The following PHOSPHO1 variants were observed in gnomAD, a reference collection of about 807,000 sequenced individuals.
PHOSPHO1 encodes phosphoethanolamine/phosphocholine phosphatase.
PHOSPHO1 carries 6 observed loss-of-function variants against 17.7 expected under a neutral mutation model. That is an observed-to-expected ratio of 0.34 (90% CI 0.19 to 0.67). The LOEUF (loss-of-function observed/expected upper bound fraction) is 0.67, where lower values mean the gene tolerates loss of function less well. Ranked by LOEUF, PHOSPHO1 falls within the 30% of genes least tolerant of loss-of-function variation. The probability of loss-of-function intolerance (pLI) is 0.69; values close to 1 mark genes in which losing one functional copy is unlikely to be tolerated. For missense variants in PHOSPHO1, 330 were observed against 392.1 expected (o/e 0.84, Z 1.34); for synonymous variants, 159 against 174.6 (o/e 0.91, Z 0.71).
chr17:49,224,500 A>G lies in PHOSPHO1; in HGVS notation c.550T>C (p.Tyr184His). ...CCGTCGTGGGCCCGCTCGCGCAGGT[A>G]GTCGCTGAGCACCTTGTGCTTGCAC... ...NMCKHKVLSD[Y>H]LRERAHDGVH... Residue 184 changes from tyrosine (Y) to histidine (H), a missense_variant, in exon 3 of 3, where the codon TAC (tyrosine) becomes CAC (histidine). By Grantham distance (83) the Tyr-to-His change is moderately conservative. Transcript: ENST00000310544. 1.3e-6 allele frequency: 2 copies of G among 1,574,748 alleles called. No individual in the cohort carries two copies. Among genetic ancestry groups the G allele is most frequent in the Non-Finnish European group, 1.7e-6 (2 of 1,163,014 alleles).
In PHOSPHO1 at chr17:49,224,495, C is replaced by T. The variant is rs770938074; in HGVS notation, c.555G>A (p.Leu185=). 168 of 1,572,772 alleles carry T rather than the reference C, an allele frequency of 1.1e-4. No individual in the cohort carries two copies. The Middle Eastern group carries it at 4.5e-3, about 42-fold the overall frequency. Residue 185 remains leucine (L), a synonymous_variant, in exon 3 of 3, where the codon CTG becomes CTA. Coordinates refer to ENST00000310544, the MANE Select transcript of PHOSPHO1 (RefSeq NM_178500.4). ...GCACGCCGTCGTGGGCCCGCTCGCGCAGGTAGTCGCTGAGCACCTTGTGCT... is the reference window on the plus strand; with the variant it reads ...GCACGCCGTCGTGGGCCCGCTCGCGTAGGTAGTCGCTGAGCACCTTGTGCT... ...MCKHKVLSDY[L]RERAHDGVHF...
rs2043322512 is a variant in PHOSPHO1 at position 49,224,123 on chromosome 17, GA to G, written c.*122del. On this transcript the variant is annotated 3_prime_UTR_variant, in exon 3 of 3. Transcript: ENST00000310544. ...CCAAGCCCCCAAATACGAGATTCCA[GA>G]AATTCCCAGAGGGACATAACAAAGC... The G allele has an allele frequency of 7.4e-7, 1 of 1,358,342 alleles. No individual in the cohort carries two copies. Among genetic ancestry groups the G allele is most frequent in the African/African-American group, 1.5e-5 (1 of 67,854 alleles). The allele number at this position is 1,358,342 out of a possible 1,614,324, so 84.1% of individuals were successfully genotyped here.
At position 49,224,908 on chromosome 17, in the gene PHOSPHO1, G is replaced by T. The variant is rs564808415; in HGVS notation, c.142C>A (p.Arg48Ser). The change falls in exon 3 of 3, where the codon CGC (arginine) becomes AGC (serine). Residue 48 changes from arginine (R) to serine (S), a missense_variant. By Grantham distance (110) the Arg-to-Ser change is moderately radical (BLOSUM62 -1). Transcript: ENST00000310544. ...VDENSDDSIVRAAPGQRLPES... is the reference protein window; with the variant it reads ...VDENSDDSIVSAAPGQRLPES... ...GGGAGCCGCTGGCCCGGCGCGGCGC[G>T]CACGATCGAATCGTCGCTGTTTTCG... 1.2e-5 allele frequency: 19 copies of T among 1,599,446 alleles called. No homozygotes were observed. The highest frequency in any genetic ancestry group is 1.5e-5 in the Non-Finnish European group (18 of 1,174,208).
chr17:49,225,636 G>A lies in PHOSPHO1; in HGVS notation c.46-632C>T. The A allele has an allele frequency of 2.3e-6, 3 of 1,291,950 alleles. No homozygotes were observed. The South Asian group carries it at 3.7e-5, about 16-fold the overall frequency. The allele number at this position is 1,291,950 out of a possible 1,614,324, so 80.0% of individuals were successfully genotyped here. ...GGAGTTTTAGGGCCCTGTGCTGACA[G>A]CTCATCACTAATCACTTGCCAATTC... is the stretch of plus-strand genomic sequence containing the variant. On this transcript the variant is annotated intron_variant, in intron 2 of 2. Transcript: ENST00000310544.
chr17:49,225,567 A>ACAGGGGTCTTC (rs1567889147), intron 2 of PHOSPHO1: 1 of 1,250,912 alleles, frequency 8.0e-7, no homozygotes, highest in African/African-American at 1.6e-5. Context: ...TTCTAGCCCA[A>ACAGGGGTCTTC]TGGCACTGAA....
intron 2 of PHOSPHO1, chr17:49,225,779 T>G: frequency 8.0e-7 from 1 of 1,257,298 alleles, no homozygotes; most frequent in Non-Finnish European, 1.0e-6. Context: ...ATGACACACC[T>G]GGGAGACAGG....
intron 1 of PHOSPHO1, among the ~76,000 whole-genome samples, chr17:49,230,168 C>T (rs1246479724): frequency 1.3e-5 from 2 of 152,140 alleles, no homozygotes; most frequent in African/African-American, 4.8e-5. Context: ...GAAGCCAGCA[C>T]TCTGGCGCAC....
Position 49,223,858 on chromosome 17 carries a change from G to C in PHOSPHO1, c.*388C>G, listed in dbSNP as rs1365269606. 5.3e-6 allele frequency: 1 copy of C among 190,194 alleles called. No homozygotes were observed. The allele number at this position is 190,194 out of a possible 1,614,324, so 11.8% of individuals were successfully genotyped here. A position where few individuals can be genotyped will look rare whatever the true frequency, so the allele number is the denominator to read the frequency against. On this transcript the variant is annotated 3_prime_UTR_variant, in exon 3 of 3. Coordinates refer to ENST00000310544, the MANE Select transcript of PHOSPHO1 (RefSeq NM_178500.4). ...TGGGTTCCCTCCACAGTAGACTGGA[G>C]GAGGGGCGGTCACGCAGCCCGAGGC... is the stretch of plus-strand genomic sequence containing the variant.
chr17:49,228,286 TTC>T (rs2043378275), intron 1 of PHOSPHO1, among the ~76,000 whole-genome samples: 1 of 61,906 alleles, frequency 1.6e-5, no homozygotes. Flanking sequence ...CCTTCCTTCC[TTC>T]CTTCCTTCCT....
Position 49,224,050 on chromosome 17 carries a change from C to T in PHOSPHO1, c.*196G>A. On this transcript the variant is annotated 3_prime_UTR_variant, in exon 3 of 3. Coordinates refer to ENST00000310544, the MANE Select transcript of PHOSPHO1 (RefSeq NM_178500.4). ...GTGCACAGTGGAGTGGGGGAGGCAG[C>T]CGAGGTGGGTTAACTGAATAGATAG... 1.2e-6 allele frequency: 1 copy of T among 802,264 alleles called. No individual in the cohort carries two copies. Among genetic ancestry groups the T allele is most frequent in the African/African-American group, 1.7e-5 (1 of 57,206 alleles). The allele number at this position is 802,264 out of a possible 1,614,324, so 49.7% of individuals were successfully genotyped here.
intron 2 of PHOSPHO1, 30 bp downstream of exon 2, chr17:49,226,617 C>T (rs1169361816): frequency 3.7e-6 from 6 of 1,612,726 alleles, no homozygotes; most frequent in Non-Finnish European, 5.1e-6. Context: ...GAGGCCTCAT[C>T]CTAGGAGACC....
Position 49,224,699 on chromosome 17 carries a change from C to A in PHOSPHO1, c.351G>T (p.Glu117Asp). The change falls in exon 3 of 3, where the codon GAG becomes GAT. Residue 117 changes from glutamate (E) to aspartate (D), a missense_variant. Physicochemically the swap from Glu to Asp is conservative, Grantham distance 45. Transcript: ENST00000310544. ...QFVAKQGACF[E>D]VILISDANTF... ...TGTTGGCATCGGAGATGAGAATCACCTCGAAGCAGGCGCCCTGTTTTGCCA... is the reference window on the plus strand; with the variant it reads ...TGTTGGCATCGGAGATGAGAATCACATCGAAGCAGGCGCCCTGTTTTGCCA... 6.3e-7 allele frequency: 1 copy of A among 1,593,532 alleles called. No individual in the cohort carries two copies. The highest frequency in any genetic ancestry group is 8.5e-7 in the Non-Finnish European group (1 of 1,171,984).
rs1450050729 is a variant in PHOSPHO1 at position 49,223,445 on chromosome 17, T to C, written c.*801A>G. On this transcript the variant is annotated 3_prime_UTR_variant, in exon 3 of 3. Transcript: ENST00000310544. ...GTTTCGCTGGTTCTGCTTAAAAACA[T>C]GGCTTTCTGTTCCATGGGGGGTGGG... The C allele has an allele frequency of 7.1e-6, 1 of 141,100 alleles. No individual in the cohort carries two copies. Among genetic ancestry groups the C allele is most frequent in the Non-Finnish European group, 1.5e-5 (1 of 65,360 alleles). The allele number at this position is 141,100 out of a possible 1,614,324, so 8.7% of individuals were successfully genotyped here.
chr17:49,225,589 G>C (rs746691743), intron 2 of PHOSPHO1: 3 of 1,289,894 alleles, frequency 2.3e-6, no homozygotes, highest in Non-Finnish European at 3.0e-6. Flanking sequence ...AGGGGTCTAG[G>C]GATGGGGCAC....
chr17:49,224,175 T>TG lies in PHOSPHO1; in HGVS notation c.*70dup, dbSNP rs2043323147. On this transcript the variant is annotated 3_prime_UTR_variant, in exon 3 of 3. Transcript: ENST00000310544. ...CAAAGGGAAAAGGGAGTAGTAAAGC[T>TG]GTCTTTGCCGAATCTCCCTTCCCCG... The TG allele has an allele frequency of 6.9e-7, 1 of 1,458,444 alleles. No homozygotes were observed. The highest frequency in any genetic ancestry group is 2.4e-5 in the East Asian group (1 of 41,328). 90.3% of individuals were successfully genotyped at this position (1,458,444 alleles called of 1,614,324 possible).
At chr17:49,225,274 T>A (rs1203903979) in intron 2 of PHOSPHO1, 1 of 1,396,180 alleles carries the variant, frequency 7.2e-7, no homozygotes, top group Non-Finnish European at 9.2e-7. Context: ...GGCACCTGTT[T>A]CCCCTACTCT....
chr17:49,230,418 C>CAAA (rs1285804660), intron 1 of PHOSPHO1, 50 bp downstream of exon 1: 1 of 152,478 alleles, frequency 6.6e-6, no homozygotes, highest in Non-Finnish European at 1.5e-5. Flanking sequence ...CAGCCCCCAC[C>CAAA]CCGCGCCGGG....
At chr17:49,226,235 G>A (rs1305467632) in intron 2 of PHOSPHO1, among the ~76,000 whole-genome samples, 1 of 151,782 alleles carries the variant, frequency 6.6e-6, no homozygotes, top group African/African-American at 2.4e-5. Context: ...AGATGGGATT[G>A]TTTCTCTTTC....
Position 49,223,982 on chromosome 17 carries a change from T to G in PHOSPHO1, c.*264A>C. 4.8e-6 allele frequency: 2 copies of G among 417,474 alleles called. No individual in the cohort carries two copies. The highest frequency in any genetic ancestry group is 4.1e-6 in the Non-Finnish European group (1 of 241,988). The allele number at this position is 417,474 out of a possible 1,614,324, so 25.9% of individuals were successfully genotyped here. The stretch of plus-strand genomic sequence containing the variant: ...CAGGAAATACTGCTGCCTTCCAAGG[T>G]TTGCGCGCCACCCCGCGATGGGTCA... On this transcript the variant is annotated 3_prime_UTR_variant, in exon 3 of 3. Transcript: ENST00000310544.
Sources: allele counts gnomAD v4.1 joint callset (sites outside exome capture counted in the v4.1 genomes callset), GRCh38; gene constraint gnomAD v4.1.1; transcripts MANE v1.5; gene names NCBI Gene and HGNC (gene_info 2026-07-23, HGNC 2026-07-21).